Variants in CAMKMT observed in about 807,000 individuals in gnomAD.
CAMKMT encodes calmodulin-lysine N-methyltransferase, also known as CaM KMT.
In CAMKMT, 53 loss-of-function variants were observed where a neutral mutation model predicts 48.0. That is an observed-to-expected ratio of 1.10 (90% CI 0.89 to 1.39). The LOEUF is 1.39. Ranked by LOEUF, CAMKMT falls within the 40% of genes most tolerant of loss-of-function variation. CAMKMT has a pLI of 0.00. For synonymous variants in CAMKMT, 165 were observed against 152.3 expected, an observed-to-expected ratio of 1.08 and a Z score of -0.61; for missense variants, 428 against 402.7, an observed-to-expected ratio of 1.06 and a Z score of -0.54.
intron 3 of CAMKMT, among the ~76,000 whole-genome samples, chr2:44,641,447 C>T (rs1673447103): frequency 6.6e-6 from 1 of 152,022 alleles, no homozygotes; most frequent in Non-Finnish European, 1.5e-5. Context: ...CTTGCAAAAA[C>T]CCAACCCCAG....
intron 3 of CAMKMT, among the ~76,000 whole-genome samples, chr2:44,489,220 T>G (rs2104705841): frequency 6.6e-6 from 1 of 150,836 alleles, no homozygotes; most frequent in South Asian, 2.1e-4. Context: ...ATGGTTTTCA[T>G]ATTTATTTGT....
At chr2:44,707,060 C>G (rs145371964) in intron 5 of CAMKMT, among the ~76,000 whole-genome samples, 64 of 151,898 alleles carry the variant, frequency 4.2e-4, no homozygotes, top group African/African-American at 1.5e-3. Context: ...CAGACAGAAG[C>G]AAGCTGAAAG....
intron 9 of CAMKMT, among the ~76,000 whole-genome samples, chr2:44,758,078 C>T (rs979385878): frequency 6.6e-6 from 1 of 152,168 alleles, no homozygotes; most frequent in Non-Finnish European, 1.5e-5. Context: ...TTACTATAGA[C>T]GGTCCCCACG....
intron 3 of CAMKMT, among the ~76,000 whole-genome samples, chr2:44,497,709 A>AGAGAGAGAGAGAGAG (rs1558657751): frequency 2.9e-5 from 4 of 138,990 alleles, no homozygotes; most frequent in East Asian, 2.2e-4. Context: ...TAAGCAGGCA[A>AGAGAGAGAGAGAGAG]AGAGAGAGAG....
chr2:44,475,799 A>G (rs564362964), intron 3 of CAMKMT, among the ~76,000 whole-genome samples: 1 of 152,356 alleles, frequency 6.6e-6, no homozygotes, highest in South Asian at 2.1e-4. Context: ...TACTAGAAGC[A>G]TATGATGGAC....
intron 3 of CAMKMT, among the ~76,000 whole-genome samples, chr2:44,670,194 G>T (rs982896287): frequency 6.6e-6 from 1 of 152,284 alleles, no homozygotes; most frequent in Middle Eastern, 3.4e-3. Flanking sequence ...GTGCCTTAAT[G>T]AACAGAAATT....
At chr2:44,542,049 A>G (rs1380331448) in intron 3 of CAMKMT, among the ~76,000 whole-genome samples, 2 of 151,670 alleles carry the variant, frequency 1.3e-5, no homozygotes, top group African/African-American at 2.4e-5. Flanking sequence ...GAATCGCTTG[A>G]AACCGGGAGG....
At chr2:44,580,339 A>T (rs528765245) in intron 3 of CAMKMT, among the ~76,000 whole-genome samples, 268 of 152,218 alleles carry the variant, frequency 1.8e-3, no homozygotes, top group Admixed American at 2.9e-3. Flanking sequence ...TATACTTATG[A>T]CTGCACTAAT....
At position 44,627,726 on chromosome 2, in the gene CAMKMT, T is replaced by TTTTTG. The variant is rs1672571934; in HGVS notation, c.377-76556_377-76555insTTTGT. Among the ~76,000 whole-genome samples, 2 of 136,278 alleles carry TTTTTG rather than the reference T, an allele frequency of 1.5e-5. 1 individual carries two copies. The highest frequency in any genetic ancestry group is 3.2e-5 in the Non-Finnish European group (2 of 62,414). 89.4% of individuals were successfully genotyped at this position (136,278 alleles called of 152,430 possible). On this transcript the variant is annotated intron_variant, in intron 3 of 10. Transcript: ENST00000378494. ...TTTTTTTTTTTTTTTTTTTTTTTTT[T>TTTTTG]TGAGATGGAGTCTCACTCTGTCACC...
At chr2:44,760,969 C>A (rs990257192) in intron 9 of CAMKMT, among the ~76,000 whole-genome samples, 3 of 152,160 alleles carry the variant, frequency 2.0e-5, no homozygotes, top group African/African-American at 7.2e-5. Context: ...CTGTGCCAGG[C>A]CCCGGGGATA....
intron 3 of CAMKMT, among the ~76,000 whole-genome samples, chr2:44,466,540 G>A (rs1294894197): frequency 6.6e-6 from 1 of 152,058 alleles, no homozygotes; most frequent in Non-Finnish European, 1.5e-5. Context: ...TCAGAGGAAA[G>A]TTTATAGTGG....
intron 3 of CAMKMT, among the ~76,000 whole-genome samples, chr2:44,628,397 C>T (rs1672617526): frequency 6.6e-6 from 1 of 151,840 alleles, no homozygotes; most frequent in African/African-American, 2.4e-5. Flanking sequence ...TTTCTTTCTC[C>T]TTTTATCTTT....
At chr2:44,513,323 A>T (rs1318946228) in intron 3 of CAMKMT, among the ~76,000 whole-genome samples, 1 of 151,516 alleles carries the variant, frequency 6.6e-6, no homozygotes, top group African/African-American at 2.4e-5. Flanking sequence ...AGTACATAGT[A>T]GTAGCTCGAT....
intron 1 of CAMKMT, among the ~76,000 whole-genome samples, chr2:44,362,510 G>C (rs1678011175): frequency 6.6e-6 from 1 of 152,104 alleles, no homozygotes; most frequent in Non-Finnish European, 1.5e-5. Context: ...TCCTTCCCCA[G>C]TTTCTTCTAG....
chr2:44,423,113 A>G (rs957510798), intron 3 of CAMKMT, among the ~76,000 whole-genome samples: 6 of 152,206 alleles, frequency 3.9e-5, no homozygotes, highest in African/African-American at 1.4e-4. Flanking sequence ...TGGTTTCAGT[A>G]GAATTATCCT....
intron 3 of CAMKMT, among the ~76,000 whole-genome samples, chr2:44,611,975 TC>T (rs1264101345): frequency 1.3e-5 from 2 of 152,054 alleles, no homozygotes; most frequent in Non-Finnish European, 2.9e-5. Flanking sequence ...TTCAAACACC[TC>T]CCACCAGGCC....
chr2:44,556,264 A>G (rs1360212652), intron 3 of CAMKMT, among the ~76,000 whole-genome samples: 3 of 151,492 alleles, frequency 2.0e-5, no homozygotes, highest in Non-Finnish European at 4.4e-5. Flanking sequence ...TCAGCCTCCC[A>G]AGCAGCTGGG....
At chr2:44,521,202 T>C (rs1671089438) in intron 3 of CAMKMT, among the ~76,000 whole-genome samples, 1 of 152,232 alleles carries the variant, frequency 6.6e-6, no homozygotes, top group African/African-American at 2.4e-5. Context: ...GCTCTGCTCA[T>C]GGTAATACTG....
chr2:44,522,444 C>T (rs1160933062), intron 3 of CAMKMT, among the ~76,000 whole-genome samples: 1 of 152,224 alleles, frequency 6.6e-6, no homozygotes, highest in Non-Finnish European at 1.5e-5. Flanking sequence ...ACTTCTCTCT[C>T]TTGGGCTCCT....
Sources: allele counts gnomAD v4.1 joint callset (sites outside exome capture counted in the v4.1 genomes callset), GRCh38; gene constraint gnomAD v4.1.1; transcripts MANE v1.5; gene names NCBI Gene and HGNC (gene_info 2026-07-23, HGNC 2026-07-21).